Variants in RYR2 observed in about 807,000 individuals in gnomAD.
The protein encoded by RYR2 is cardiac muscle ryanodine receptor-calcium release channel.
RYR2 carries 227 observed loss-of-function variants against 601.1 expected under a neutral mutation model. The ratio of observed to expected loss-of-function variants is 0.38; its 90% confidence interval spans 0.34 to 0.42. RYR2 has a LOEUF of 0.42. Ranked by LOEUF, RYR2 falls within the 10% of genes least tolerant of loss-of-function variation. RYR2 has a pLI of 1.00. For missense variants in RYR2, 4,646 were observed against 6,156.5 expected (o/e 0.75, Z 8.21); for synonymous variants, 2,223 against 2,175.1 (o/e 1.02, Z -0.61).
At chr1:237,584,085 G>A (rs1169235245) in intron 29 of RYR2, among the ~76,000 whole-genome samples, 1 of 152,188 alleles carries the variant, frequency 6.6e-6, no homozygotes, top group Non-Finnish European at 1.5e-5. Context: ...ATCAGGCTCT[G>A]TTATTTGCAG....
intron 1 of RYR2, among the ~76,000 whole-genome samples, chr1:237,137,806 T>G (rs1350418236): frequency 2.6e-5 from 4 of 152,174 alleles, no homozygotes; most frequent in Non-Finnish European, 5.9e-5. Context: ...TTTTTAACCT[T>G]TCTTATTATG....
chr1:237,535,743 T>C (rs1253956720), intron 25 of RYR2, among the ~76,000 whole-genome samples: 1 of 152,174 alleles, frequency 6.6e-6, no homozygotes, highest in African/African-American at 2.4e-5. Flanking sequence ...AAGTATAATA[T>C]GACCAAGCTG....
chr1:237,435,573 A>G (rs1488264754), intron 12 of RYR2, among the ~76,000 whole-genome samples: 1 of 147,060 alleles, frequency 6.8e-6, no homozygotes, highest in Admixed American at 6.7e-5. Flanking sequence ...ATGGTTTTAC[A>G]GAAGATAGAG....
chr1:237,585,675 G>C (rs115652343), intron 29 of RYR2, among the ~76,000 whole-genome samples: 1,809 of 152,272 alleles, frequency 0.012, 30 homozygotes, highest in African/African-American at 0.041. Flanking sequence ...AATTTCAGAA[G>C]TAAGAATATG....
intron 1 of RYR2, among the ~76,000 whole-genome samples, chr1:237,189,825 G>A (rs985511549): frequency 7.2e-5 from 11 of 151,924 alleles, no homozygotes; most frequent in African/African-American, 2.7e-4. Context: ...TAGATTGTAT[G>A]GTAGTTCTAT....
chr1:237,152,672 A>G (rs1674857277), intron 1 of RYR2, among the ~76,000 whole-genome samples: 1 of 152,182 alleles, frequency 6.6e-6, no homozygotes, highest in African/African-American at 2.4e-5. Flanking sequence ...TGGATTAAAG[A>G]CTTAAATGTA....
chr1:237,137,316 T>A (rs532463463), intron 1 of RYR2, among the ~76,000 whole-genome samples: 1 of 152,248 alleles, frequency 6.6e-6, no homozygotes, highest in East Asian at 1.9e-4. Context: ...GCCTTTGTGC[T>A]GGTGGGGCTG....
intron 79 of RYR2, 111 bp from the exon 80 acceptor site, chr1:237,742,185 T>C: frequency 1.4e-6 from 1 of 712,392 alleles, no homozygotes; most frequent in Non-Finnish European, 2.4e-6. Flanking sequence ...TTAAACAAGG[T>C]TGATGATAAA....
chr1:237,181,306 C>T (rs760289278), intron 1 of RYR2, among the ~76,000 whole-genome samples: 8 of 148,900 alleles, frequency 5.4e-5, no homozygotes, highest in African/African-American at 1.0e-4. Context: ...TATACATTAC[C>T]GTATCTAATC....
intron 8 of RYR2, among the ~76,000 whole-genome samples, chr1:237,381,426 T>C (rs115959384): frequency 3.3e-3 from 510 of 152,298 alleles, no homozygotes; most frequent in Middle Eastern, 0.02. Flanking sequence ...TTGTTAAAAA[T>C]AAGTAAGTTT....
rs746044321 is a variant in RYR2, at chr1:237,778,648, T to A, written c.11776-18T>A. ...TAAATTATGAGGAATAATTGCCGTTTGTCTGTTTATGCTCCAGGGTCCTTG... is the reference window on the plus strand; with the variant it reads ...TAAATTATGAGGAATAATTGCCGTTAGTCTGTTTATGCTCCAGGGTCCTTG... On this transcript the variant is annotated intron_variant, in intron 87 of 104. Transcript: ENST00000366574. The A allele has an allele frequency of 2.6e-5, 36 of 1,372,192 alleles. 1 individual carries two copies. The East Asian group carries it at 8.2e-4, about 31-fold the overall frequency. The allele number at this position is 1,372,192 out of a possible 1,614,324, so 85.0% of individuals were successfully genotyped here.
intron 2 of RYR2, among the ~76,000 whole-genome samples, chr1:237,294,752 C>G (rs1692589399): frequency 1.3e-5 from 2 of 152,002 alleles, no homozygotes; most frequent in South Asian, 4.1e-4. Context: ...TTGATTGTTT[C>G]TTATAACCCC....
intron 16 of RYR2, among the ~76,000 whole-genome samples, chr1:237,466,106 C>A (rs1660059789): frequency 6.6e-6 from 1 of 152,062 alleles, no homozygotes; most frequent in Non-Finnish European, 1.5e-5. Context: ...GTATCTATAT[C>A]TTGAGACCAT....
At chr1:237,440,882 C>A (rs375526595) in intron 12 of RYR2, among the ~76,000 whole-genome samples, 2 of 151,602 alleles carry the variant, frequency 1.3e-5, no homozygotes, top group Admixed American at 1.3e-4. Context: ...GATGAGAAAA[C>A]TGAGGCTTAA....
intron 23 of RYR2, among the ~76,000 whole-genome samples, chr1:237,509,805 C>T (rs1288443015): frequency 1.3e-5 from 2 of 152,288 alleles, no homozygotes; most frequent in East Asian, 3.9e-4. Flanking sequence ...TGATCCAAGA[C>T]TGAGGGATGT....
intron 10 of RYR2, among the ~76,000 whole-genome samples, chr1:237,404,147 G>A (rs747903754): frequency 2.8e-4 from 42 of 152,108 alleles, no homozygotes; most frequent in Admixed American, 1.8e-3. Context: ...CTACATAATC[G>A]GGAGGCTGAG....
chr1:237,798,910 T>TAGTC (rs1420783576), intron 97 of RYR2, among the ~76,000 whole-genome samples: 1 of 152,136 alleles, frequency 6.6e-6, no homozygotes, highest in Non-Finnish European at 1.5e-5. Flanking sequence ...TTGCTTATTG[T>TAGTC]AGTCACTTAA....
Position 237,106,542 on chromosome 1 carries a change from G to A in RYR2, c.48+63973G>A, listed in dbSNP as rs1208666462. 1.3e-5 allele frequency among the ~76,000 whole-genome samples: 2 copies of A among 152,166 alleles called. No homozygotes were observed. Among genetic ancestry groups the A allele is most frequent in the Admixed American group, 6.5e-5 (1 of 15,282 alleles). ...TCAAGAGTTTCATTCTGGAAATGTG[G>A]GGGTTTTCGCTGTCTGTCAGAGAGT... On this transcript the variant is annotated intron_variant, in intron 1 of 104. Transcript: ENST00000366574. This position sits in a 1 kb window ranked among gnomAD's most constrained non-coding sequence, Gnocchi z 4.4.
chr1:237,670,265 A>G (rs1296240610), intron 58 of RYR2, among the ~76,000 whole-genome samples: 1 of 140,512 alleles, frequency 7.1e-6, no homozygotes, highest in African/African-American at 2.6e-5. Context: ...GCTCGGCATC[A>G]GAGGGAGACC....
Sources: allele counts gnomAD v4.1 joint callset (sites outside exome capture counted in the v4.1 genomes callset), GRCh38; gene constraint gnomAD v4.1.1; non-coding constraint Gnocchi (gnomAD v3.1); transcripts MANE v1.5; gene names NCBI Gene and HGNC (gene_info 2026-07-23, HGNC 2026-07-21).